The following TECPR2 variants were observed in gnomAD, a reference collection of about 807,000 sequenced individuals.
TECPR2 encodes tectonin beta-propeller repeat containing 2.
Under a neutral mutation model 138.1 loss-of-function variants are expected in TECPR2, and 65 were observed. The observed-to-expected ratio is 0.47, with a 90% CI of 0.39 to 0.58. The LOEUF (loss-of-function observed/expected upper bound fraction) is 0.58, where lower values mean the gene tolerates loss of function less well. Ranked by LOEUF, TECPR2 falls within the 20% of genes least tolerant of loss-of-function variation. The pLI is 0.00. For missense variants in TECPR2, 1,553 were observed against 1,824.5 expected, an observed-to-expected ratio of 0.85 and a Z score of 2.71; for synonymous variants, 746 against 749.8, an observed-to-expected ratio of 0.99 and a Z score of 0.08.
intron 13 of TECPR2, 23 bp downstream of exon 13, chr14:102,445,970 CGTGCCG>C: frequency 6.3e-7 from 1 of 1,597,928 alleles, no homozygotes; most frequent in Non-Finnish European, 8.6e-7. Context: ...CTCTGCGCCA[CGTGCCG>C]AGGTCTCCCG....
intron 2 of TECPR2, among the ~76,000 whole-genome samples, chr14:102,382,923 A>G (rs1301574973): frequency 6.6e-6 from 1 of 151,780 alleles, no homozygotes; most frequent in Non-Finnish European, 1.5e-5. Flanking sequence ...CGCCCAGCTA[A>G]TTTTTTGTAT....
chr14:102,486,059 C>G (rs1236648087), intron 17 of TECPR2, among the ~76,000 whole-genome samples: 1 of 152,202 alleles, frequency 6.6e-6, no homozygotes, highest in African/African-American at 2.4e-5. Flanking sequence ...TGAGCGTTTT[C>G]TTTAGCGCAC....
chr14:102,430,208 A>T (rs1388311526), intron 7 of TECPR2, among the ~76,000 whole-genome samples: 2 of 152,178 alleles, frequency 1.3e-5, no homozygotes, highest in African/African-American at 4.8e-5. Context: ...TCCTGAGCTC[A>T]GGCAGTCCTC....
At chr14:102,451,090 C>T (rs905979377) in intron 15 of TECPR2, among the ~76,000 whole-genome samples, 1 of 152,240 alleles carries the variant, frequency 6.6e-6, no homozygotes, top group Non-Finnish European at 1.5e-5. Flanking sequence ...ATTAGGCAGA[C>T]CTGCCCTGCA....
intron 2 of TECPR2, among the ~76,000 whole-genome samples, chr14:102,403,096 A>G (rs1383963243): frequency 6.6e-6 from 1 of 152,238 alleles, no homozygotes; most frequent in African/African-American, 2.4e-5. Context: ...AGAAAAATAC[A>G]CATCAGTATC....
At chr14:102,429,943 T>C (rs1889421397) in intron 7 of TECPR2, among the ~76,000 whole-genome samples, 1 of 152,122 alleles carries the variant, frequency 6.6e-6, no homozygotes, top group Non-Finnish European at 1.5e-5. Context: ...GAGATGAATT[T>C]TACATTTTGT....
At chr14:102,488,889 T>C (rs1175568550) in intron 17 of TECPR2, among the ~76,000 whole-genome samples, 1 of 152,074 alleles carries the variant, frequency 6.6e-6, no homozygotes, top group Non-Finnish European at 1.5e-5. Flanking sequence ...TTCTTTTTTT[T>C]TTCTTTTTTG....
Position 102,456,152 on chromosome 14 carries a change from G to A in TECPR2, c.3640+3525G>A, listed in dbSNP as rs145937681. On this transcript the variant is annotated intron_variant, in intron 16 of 19. Coordinates refer to ENST00000359520, the MANE Select transcript of TECPR2 (RefSeq NM_014844.5). ...GTCTAAATGTTGGCCATCTCCGGGCGGTGTGGTCATCCTAAGGCTGTGACA... is the reference window on the plus strand; with the variant it reads ...GTCTAAATGTTGGCCATCTCCGGGCAGTGTGGTCATCCTAAGGCTGTGACA... 3.8e-4 allele frequency among the ~76,000 whole-genome samples: 58 copies of A among 152,300 alleles called. No individual in the cohort carries two copies. The East Asian group carries it at 9.8e-3, about 26-fold the overall frequency.
At chr14:102,450,724 C>T in intron 15 of TECPR2, 75 bp downstream of exon 15, 1 of 1,470,134 alleles carries the variant, frequency 6.8e-7, no homozygotes, top group East Asian at 2.3e-5. Context: ...CACAGTCGGA[C>T]TGTGGCCTTG....
intron 17 of TECPR2, among the ~76,000 whole-genome samples, chr14:102,476,390 CAAAA>C (rs1595144217): frequency 7.0e-6 from 1 of 142,016 alleles, no homozygotes; most frequent in African/African-American, 2.6e-5. Context: ...AACAACAAAA[CAAAA>C]AACAACAACT....
rs1245523859 is a variant in TECPR2, at chr14:102,376,745, T to C, written c.24T>C (p.Val8=). MASISEP[V]TFREFCPLYY... is the part of the protein sequence containing the mutation. ...CCATGGCATCGATATCAGAGCCTGTTACATTCAGAGAGTTCTGCCCGTTGT... is the reference window on the plus strand; with the variant it reads ...CCATGGCATCGATATCAGAGCCTGTCACATTCAGAGAGTTCTGCCCGTTGT... Residue 8 remains valine (V), a synonymous_variant, in exon 2 of 20, where the codon GTT becomes GTC. Transcript: ENST00000359520. The C allele has an allele frequency of 1.2e-6, 2 of 1,614,216 alleles. No individual in the cohort carries two copies. Among genetic ancestry groups the C allele is most frequent in the Admixed American group, 3.3e-5 (2 of 60,028 alleles).
Position 102,497,689 on chromosome 14 carries a change from A to G in TECPR2, c.4051A>G (p.Lys1351Glu). Reference sequence around the variant, plus strand: ...GAACCCCGCCGGGGACTACTGGAAGAAAATTCCCGGCAGCGTGTCGTGTTT... The same window carrying G: ...GAACCCCGCCGGGGACTACTGGAAGGAAATTCCCGGCAGCGTGTCGTGTTT... ...DKNPAGDYWKKIPGSVSCFTV... is the reference protein window; with the variant it reads ...DKNPAGDYWKEIPGSVSCFTV... Residue 1351 changes from lysine to glutamate, a missense_variant, in exon 19 of 20, where the codon AAA (lysine) becomes GAA (glutamate). Physicochemically the swap from Lys to Glu is moderately conservative, Grantham distance 56 (BLOSUM62 1). Coordinates refer to ENST00000359520, the MANE Select transcript of TECPR2 (RefSeq NM_014844.5). 6.2e-7 allele frequency: 1 copy of G among 1,609,212 alleles called. No homozygotes were observed. The highest frequency in any genetic ancestry group is 8.5e-7 in the Non-Finnish European group (1 of 1,178,130).
chr14:102,495,170 C>T (rs890272022), intron 17 of TECPR2, among the ~76,000 whole-genome samples: 7 of 150,678 alleles, frequency 4.6e-5, no homozygotes, highest in Non-Finnish European at 8.8e-5. Flanking sequence ...GCCGGGATTG[C>T]GCCAGGGCAC....
At chr14:102,422,657 C>G (rs983068814) in intron 5 of TECPR2, among the ~76,000 whole-genome samples, 11 of 151,828 alleles carry the variant, frequency 7.2e-5, no homozygotes, top group African/African-American at 2.7e-4. Flanking sequence ...GTGATTAAAC[C>G]AACAAAAAAG....
intron 17 of TECPR2, among the ~76,000 whole-genome samples, chr14:102,472,229 G>A (rs2139777893): frequency 6.6e-6 from 1 of 152,322 alleles, no homozygotes; most frequent in African/African-American, 2.4e-5. Flanking sequence ...GCACCTCTCT[G>A]CAGCCATGGG....
At chr14:102,451,604 C>T (rs963522287) in intron 15 of TECPR2, among the ~76,000 whole-genome samples, 32 of 152,086 alleles carry the variant, frequency 2.1e-4, no homozygotes, top group African/African-American at 6.5e-4. Flanking sequence ...CGCACTTCAC[C>T]GGGGAGCGCC....
At chr14:102,375,155 G>A (rs1887612142) in intron 1 of TECPR2, among the ~76,000 whole-genome samples, 1 of 151,910 alleles carries the variant, frequency 6.6e-6, no homozygotes, top group Non-Finnish European at 1.5e-5. Context: ...GACCAGCCTG[G>A]GCAACACAGC....
chr14:102,380,591 A>G (rs2139661806), intron 2 of TECPR2, among the ~76,000 whole-genome samples: 1 of 152,358 alleles, frequency 6.6e-6, no homozygotes. Context: ...TATGGGAACT[A>G]CAATTCAAGA....
chr14:102,477,441 G>A (rs1255592894), intron 17 of TECPR2, among the ~76,000 whole-genome samples: 2 of 151,916 alleles, frequency 1.3e-5, no homozygotes, highest in African/African-American at 4.8e-5. Flanking sequence ...AAATTTCAAA[G>A]GGGAGGTGTG....
Sources: gnomAD v4.1 joint callset for allele counts (sites outside exome capture counted in the v4.1 genomes callset) on GRCh38, gnomAD v4.1.1 for gene constraint, MANE v1.5 for transcripts, NCBI Gene and HGNC (gene_info 2026-07-23, HGNC 2026-07-21) for gene names.